Variants in CACNA1B observed in about 807,000 individuals in gnomAD.
CACNA1B encodes the protein calcium voltage-gated channel subunit alpha1 B, also known as voltage-dependent N-type calcium channel subunit alpha-1B.
CACNA1B carries 70 observed loss-of-function variants against 247.2 expected under a neutral mutation model. That is an observed-to-expected ratio of 0.28 (90% CI 0.23 to 0.35). The LOEUF is 0.35. CACNA1B is among the 10% of genes least tolerant of loss of function. CACNA1B has a pLI of 1.00. For synonymous variants in CACNA1B, 1,231 were observed against 1,294.4 expected (o/e 0.95, Z 1.05); for missense variants, 2,367 against 3,197.4 (o/e 0.74, Z 6.26).
In CACNA1B at chr9:138,023,744, G is replaced by A. The variant is rs1270293772; in HGVS notation, c.3001G>A (p.Ala1001Thr). 1.3e-6 allele frequency: 2 copies of A among 1,539,378 alleles called. No individual in the cohort carries two copies. Among genetic ancestry groups the A allele is most frequent in the Non-Finnish European group, 1.8e-6 (2 of 1,139,916 alleles). ...AVEKETTEKE[A>T]TEKEAEIVEA... ...GGAGAAGGAGACCACGGAGAAGGAG[G>A]CCACGGAGAAGGAGGCTGAGATAGT... Residue 1001 changes from alanine to threonine, a missense_variant, in exon 19 of 47, where the codon GCC (alanine) becomes ACC (threonine). Transcript: ENST00000371372.
chr9:137,977,539 G>GAGGGC (rs1377453484), intron 12 of CACNA1B, among the ~76,000 whole-genome samples: 5 of 152,064 alleles, frequency 3.3e-5, no homozygotes, highest in Non-Finnish European at 5.9e-5. Context: ...GCTGAGCACA[G>GAGGGC]AGGGCAGGGC....
At chr9:138,117,628 AG>A (rs1442978718) in intron 42 of CACNA1B, among the ~76,000 whole-genome samples, 1 of 152,194 alleles carries the variant, frequency 6.6e-6, no homozygotes, top group Non-Finnish European at 1.5e-5. Flanking sequence ...TGACGGACCC[AG>A]GCCCCCCTCA....
rs1957941807 is a variant in CACNA1B, at chr9:137,955,950, A to C, written c.1186+137A>C. The stretch of plus-strand genomic sequence containing the variant: ...GGATTTTGTAGTGAGCAGAGTGAGA[A>C]GGGATTTCTCTCTAGCTCACCCAGG... On this transcript the variant is annotated intron_variant, in intron 8 of 46. Transcript: ENST00000371372. The surrounding 1 kb of genome is among the most constrained non-coding windows in gnomAD (Gnocchi z 6.9). The C allele has an allele frequency of 4.4e-6, 3 of 680,310 alleles. No homozygotes were observed. The highest frequency in any genetic ancestry group is 1.8e-5 in the African/African-American group (1 of 55,468). 42.1% of individuals were successfully genotyped at this position (680,310 alleles called of 1,614,324 possible). A position where few individuals can be genotyped will look rare whatever the true frequency, so the allele number is the denominator to read the frequency against.
At chr9:137,943,050 CT>C (rs58509237) in intron 6 of CACNA1B, among the ~76,000 whole-genome samples, 3,301 of 136,016 alleles carry the variant, frequency 0.024, 67 homozygotes, top group African/African-American at 0.057. Flanking sequence ...GAGTTTCAAA[CT>C]TTTTTTTTTT....
chr9:138,019,778 C>T (rs544378985), intron 18 of CACNA1B, among the ~76,000 whole-genome samples: 1 of 152,270 alleles, frequency 6.6e-6, no homozygotes, highest in African/African-American at 2.4e-5. Context: ...GATCCTGCAT[C>T]CATCCGCGGG....
rs1381306018 is a variant in CACNA1B at position 138,023,692 on chromosome 9, C to T, written c.2949C>T (p.His983=). 2.6e-6 allele frequency: 4 copies of T among 1,526,208 alleles called. No homozygotes were observed. In the South Asian group the frequency reaches 4.8e-5, roughly 18 times the overall value. 94.5% of individuals were successfully genotyped at this position (1,526,208 alleles called of 1,614,324 possible). ...CGGCGCGGCGGCACCGGGCCCGGCA[C>T]AAGGCGCAGCCTGCTCACGAGGCTG... ...EEPARRHRAR[H]KAQPAHEAVE... is the part of the protein sequence containing the mutation. Residue 983 remains histidine, a synonymous_variant, in exon 19 of 47, where the codon CAC becomes CAT. Transcript: ENST00000371372.
chr9:138,118,154 G>A, intron 43 of CACNA1B, 73 bp downstream of exon 43: 1 of 1,130,814 alleles, frequency 8.8e-7, no homozygotes, highest in South Asian at 2.3e-5. Context: ...TTTGAGACTG[G>A]GGTGGGGGAC....
chr9:138,010,178 G>A lies in CACNA1B; in HGVS notation c.2160+101G>A. On this transcript the variant is annotated intron_variant, in intron 17 of 46. Coordinates refer to ENST00000371372, the MANE Select transcript of CACNA1B (RefSeq NM_000718.4). This position sits in a 1 kb window ranked among gnomAD's most constrained non-coding sequence, Gnocchi z 5.3. ...CTGGGTTAGGGCCTCGTGTCCAGGAGCGTTGCCTTGGGTCCTGGCGGGCAG... is the reference window on the plus strand; with the variant it reads ...CTGGGTTAGGGCCTCGTGTCCAGGAACGTTGCCTTGGGTCCTGGCGGGCAG... 1.1e-6 allele frequency: 1 copy of A among 920,446 alleles called. No homozygotes were observed. Among genetic ancestry groups the A allele is most frequent in the South Asian group, 1.4e-5 (1 of 69,632 alleles). The allele number at this position is 920,446 out of a possible 1,614,324, so 57.0% of individuals were successfully genotyped here.
rs1016013604 is a variant in CACNA1B at position 138,014,700 on chromosome 9, G to A, written c.2267+1465G>A. 6.6e-6 allele frequency among the ~76,000 whole-genome samples: 1 copy of A among 152,082 alleles called. No homozygotes were observed. Among genetic ancestry groups the A allele is most frequent in the Non-Finnish European group, 1.5e-5 (1 of 68,006 alleles). On this transcript the variant is annotated intron_variant, in intron 18 of 46. Coordinates refer to ENST00000371372, the MANE Select transcript of CACNA1B (RefSeq NM_000718.4). The surrounding 1 kb of genome is among the most constrained non-coding windows in gnomAD (Gnocchi z 6.2). ...CAGCTCCTGGCCTCGCGCAGGCCTC[G>A]TGTTGTTCTCCTGAAGACTTGCCTT...
In CACNA1B at chr9:137,954,901, A is replaced by AGAGAGG; in HGVS notation, c.1071-796_1071-795insAGAGGG. The stretch of plus-strand genomic sequence containing the variant: ...GTGTGAGAGAGAGAGAGAGAGAGAG[A>AGAGAGG]GGGGGAGAGAGAGAGAGAGAGAATG... On this transcript the variant is annotated intron_variant, in intron 7 of 46. Transcript: ENST00000371372. The surrounding 1 kb of genome is among the most constrained non-coding windows in gnomAD (Gnocchi z 4.1). 8.4e-6 allele frequency among the ~76,000 whole-genome samples: 1 copy of AGAGAGG among 118,714 alleles called. No individual in the cohort carries two copies. The highest frequency in any genetic ancestry group is 3.7e-4 in the East Asian group (1 of 2,726). The allele number at this position is 118,714 out of a possible 152,430, so 77.9% of individuals were successfully genotyped here.
intron 37 of CACNA1B, among the ~76,000 whole-genome samples, chr9:138,097,964 G>A (rs765565367): frequency 1.2e-4 from 19 of 152,166 alleles, no homozygotes; most frequent in Non-Finnish European, 2.1e-4. Context: ...GGTGCTGCAC[G>A]GGCCCTTCCC....
In CACNA1B at chr9:138,052,222, CTGTG is replaced by C. The variant is rs761728909; in HGVS notation, c.3807+43_3807+46del. ...CTGGAGTTGGGGCTTGAGGGATGTG[CTGTG>C]TGTGTGTGCGTGTGTGTGTGTGCGT... On this transcript the variant is annotated intron_variant, in intron 25 of 46. Transcript: ENST00000371372. The surrounding 1 kb of genome is among the most constrained non-coding windows in gnomAD (Gnocchi z 5.1). 1.9e-6 allele frequency: 2 copies of C among 1,080,692 alleles called. No homozygotes were observed. The highest frequency in any genetic ancestry group is 1.4e-5 in the South Asian group (1 of 72,880). The allele number at this position is 1,080,692 out of a possible 1,614,324, so 66.9% of individuals were successfully genotyped here.
At chr9:138,043,557 A>G (rs1959156047) in intron 20 of CACNA1B, among the ~76,000 whole-genome samples, 1 of 152,164 alleles carries the variant, frequency 6.6e-6, no homozygotes. Flanking sequence ...GCAAGAGGTG[A>G]GGAAGGGTCC....
At chr9:137,964,847 T>C (rs2133356194) in intron 10 of CACNA1B, among the ~76,000 whole-genome samples, 1 of 152,362 alleles carries the variant, frequency 6.6e-6, no homozygotes, top group South Asian at 2.1e-4. Context: ...CCACCTTTGA[T>C]CTGTGAGGTT....
intron 6 of CACNA1B, among the ~76,000 whole-genome samples, chr9:137,948,855 G>T (rs1357785072): frequency 6.8e-6 from 1 of 146,588 alleles, no homozygotes; most frequent in Non-Finnish European, 1.5e-5. Context: ...TGTGTATGTG[G>T]TGTATTTGTG....
At position 138,110,358 on chromosome 9, in the gene CACNA1B, A is replaced by G. The variant is rs541468668; in HGVS notation, c.5429-2040A>G. Among the ~76,000 whole-genome samples the G allele has an allele frequency of 6.6e-5, 10 of 152,176 alleles. No individual in the cohort carries two copies. The South Asian group carries it at 1.5e-3, about 22-fold the overall frequency. ...TTGAACTCCTGACCTCAAATGATCC[A>G]CTTGCCTTGGCCTCCCATAGTGCTG... On this transcript the variant is annotated intron_variant, in intron 39 of 46. Transcript: ENST00000371372.
intron 19 of CACNA1B, among the ~76,000 whole-genome samples, chr9:138,024,629 C>CATT (rs373825056): frequency 9.9e-5 from 15 of 151,840 alleles, no homozygotes; most frequent in Admixed American, 7.2e-4. Context: ...TGCTGATGTG[C>CATT]ATTATTATTA....
intron 37 of CACNA1B, among the ~76,000 whole-genome samples, chr9:138,099,002 T>C (rs1260050908): frequency 6.6e-6 from 1 of 152,256 alleles, no homozygotes; most frequent in African/African-American, 2.4e-5. Context: ...TGGTAGCCTC[T>C]GTGACAAACG....
At chr9:137,930,609 T>C (rs1464239874) in intron 6 of CACNA1B, among the ~76,000 whole-genome samples, 1 of 152,224 alleles carries the variant, frequency 6.6e-6, no homozygotes, top group Non-Finnish European at 1.5e-5. Context: ...ATTCTTTTGG[T>C]TGATGGTGTT....
Sources: allele counts gnomAD v4.1 joint callset (sites outside exome capture counted in the v4.1 genomes callset), GRCh38; gene constraint gnomAD v4.1.1; non-coding constraint Gnocchi (gnomAD v3.1); transcripts MANE v1.5; gene names NCBI Gene and HGNC (gene_info 2026-07-23, HGNC 2026-07-21).